ZNF322: variants seen among roughly 807,000 people sequenced by gnomAD.
ZNF322 encodes HLA complex group 12.
Under a neutral mutation model 18.3 loss-of-function variants are expected in ZNF322, and 1 was observed. That is an observed-to-expected ratio of 0.05 (90% CI 0.02 to 0.26). The LOEUF is 0.26. Ranked by LOEUF, ZNF322 falls within the 10% of genes least tolerant of loss-of-function variation. ZNF322 has a pLI of 1.00. For missense variants in ZNF322, 36 were observed against 403.6 expected (o/e 0.09, Z 7.80); for synonymous variants, 17 against 130.7 (o/e 0.13, Z 5.93).
intron 2 of ZNF322, among the ~76,000 whole-genome samples, chr6:26,646,738 T>C (rs9393739): frequency 3.9e-5 from 6 of 151,916 alleles, no homozygotes; most frequent in African/African-American, 1.5e-4. Flanking sequence ...ACATGAATCA[T>C]CCACAAAAAT....
At chr6:26,650,005 A>G (rs1324216349) in intron 2 of ZNF322, among the ~76,000 whole-genome samples, 1 of 151,900 alleles carries the variant, frequency 6.6e-6, no homozygotes, top group Non-Finnish European at 1.5e-5. Flanking sequence ...GCCAGCCAAA[A>G]ACATTTTATA....
chr6:26,657,430 T>G (rs75169507), intron 2 of ZNF322, among the ~76,000 whole-genome samples: 2,326 of 152,246 alleles, frequency 0.015, 48 homozygotes, highest in Middle Eastern at 0.065. Context: ...CTCTTCCCCA[T>G]GCAGCTTACT....
chr6:26,649,050 A>G (rs1004182727), intron 2 of ZNF322, among the ~76,000 whole-genome samples: 1 of 152,248 alleles, frequency 6.6e-6, no homozygotes, highest in Non-Finnish European at 1.5e-5. Context: ...CACAATAGAG[A>G]CCAGATAGCC....
At chr6:26,639,485 TA>T (rs1311634212) in intron 3 of ZNF322, among the ~76,000 whole-genome samples, 2 of 151,902 alleles carry the variant, frequency 1.3e-5, no homozygotes, top group Non-Finnish European at 1.5e-5. Flanking sequence ...TGAAAAGTTG[TA>T]AAAAAAAGTT....
chr6:26,657,242 C>A (rs1186532549), intron 2 of ZNF322, among the ~76,000 whole-genome samples: 4 of 150,036 alleles, frequency 2.7e-5, no homozygotes, highest in Non-Finnish European at 4.4e-5. Context: ...AGAGCGAAGA[C>A]TCCATCTCAA....
chr6:26,647,201 G>A (rs1260243547), intron 2 of ZNF322, among the ~76,000 whole-genome samples: 6 of 151,664 alleles, frequency 4.0e-5, no homozygotes, highest in African/African-American at 7.3e-5. Flanking sequence ...TTGGGAGGCC[G>A]AGGCAGTAGG....
intron 2 of ZNF322, among the ~76,000 whole-genome samples, chr6:26,657,620 T>C (rs1249156288): frequency 1.3e-5 from 2 of 152,154 alleles, no homozygotes; most frequent in Admixed American, 6.5e-5. Flanking sequence ...TTTACTAAAA[T>C]ATAACTTCTA....
intron 3 of ZNF322, among the ~76,000 whole-genome samples, chr6:26,640,225 A>C (rs1439157649): frequency 1.3e-5 from 2 of 152,208 alleles, no homozygotes; most frequent in African/African-American, 4.8e-5. Flanking sequence ...TCTGTCTTCC[A>C]AGGTTTCTGG....
chr6:26,649,983 G>A (rs574427769), intron 2 of ZNF322, among the ~76,000 whole-genome samples: 8 of 151,808 alleles, frequency 5.3e-5, no homozygotes, highest in Admixed American at 3.3e-4. Context: ...GATTACAGGC[G>A]TGCGCCACTG....
Position 26,638,742 on chromosome 6 carries a change from T to A in ZNF322, c.-175-14A>T. On this transcript the variant is annotated splice_polypyrimidine_tract_variant and intron_variant, in intron 3 of 3. Coordinates refer to ENST00000415922, the MANE Select transcript of ZNF322 (RefSeq NM_024639.5). ...GTATTTCCAACCCTGTGAGACAAAG[T>A]AGAAATATTATTTATATTCCTATGA... The A allele has an allele frequency of 1.1e-6, 1 of 942,822 alleles. No individual in the cohort carries two copies. The highest frequency in any genetic ancestry group is 1.5e-6 in the Non-Finnish European group (1 of 648,044). The allele number at this position is 942,822 out of a possible 1,614,324, so 58.4% of individuals were successfully genotyped here. A position where few individuals can be genotyped will look rare whatever the true frequency, so the allele number is the denominator to read the frequency against.
chr6:26,654,084 T>C (rs1334713461), intron 2 of ZNF322, among the ~76,000 whole-genome samples: 3 of 152,184 alleles, frequency 2.0e-5, no homozygotes, highest in Non-Finnish European at 4.4e-5. Flanking sequence ...ATGTGTATCC[T>C]AGGACCGAAT....
At position 26,658,542 on chromosome 6, in the gene ZNF322, C is replaced by T. The variant is rs1554149888; in HGVS notation, c.-246+16G>A. ...ATCCACATTTATACAGAAACAGAGC[C>T]TGGTATACCACTTACCGTAACAAGA... On this transcript the variant is annotated intron_variant, in intron 2 of 3. Transcript: ENST00000415922. The T allele has an allele frequency of 6.0e-6, 1 of 165,364 alleles. No homozygotes were observed. The highest frequency in any genetic ancestry group is 1.9e-4 in the East Asian group (1 of 5,198). 10.2% of individuals were successfully genotyped at this position (165,364 alleles called of 1,614,324 possible).
intron 2 of ZNF322, among the ~76,000 whole-genome samples, chr6:26,657,393 T>C (rs1320724934): frequency 2.0e-5 from 3 of 152,176 alleles, no homozygotes; most frequent in African/African-American, 7.2e-5. Context: ...CTCCGAGCTT[T>C]TGCACTTGTT....
At chr6:26,646,453 CATA>C (rs1233660590) in intron 2 of ZNF322, among the ~76,000 whole-genome samples, 10 of 152,104 alleles carry the variant, frequency 6.6e-5, no homozygotes, top group Non-Finnish European at 1.0e-4. Flanking sequence ...AAGAATTAAA[CATA>C]ATAATACTTT....
intron 2 of ZNF322, chr6:26,651,250 A>G (rs78325888): frequency 7.0e-6 from 1 of 143,628 alleles, no homozygotes. Flanking sequence ...TTCACATGCA[A>G]AAAAAAAAAA....
chr6:26,651,830 T>A (rs2113672448), intron 2 of ZNF322, among the ~76,000 whole-genome samples: 1 of 152,292 alleles, frequency 6.6e-6, no homozygotes, highest in Middle Eastern at 3.4e-3. Context: ...AACTCGGGTA[T>A]AGCAATGACT....
chr6:26,645,699 T>C (rs1342696754), intron 2 of ZNF322, among the ~76,000 whole-genome samples: 1 of 152,018 alleles, frequency 6.6e-6, no homozygotes, highest in African/African-American at 2.4e-5. Context: ...AGGTTAAATA[T>C]AAAAATTTAT....
chr6:26,643,855 A>C (rs1214901461), intron 2 of ZNF322, 127 bp from the exon 3 acceptor site: 1 of 152,276 alleles, frequency 6.6e-6, no homozygotes, highest in African/African-American at 2.4e-5. Context: ...TTCTTATCTA[A>C]TCCCTTAAAT....
chr6:26,648,331 C>A (rs1765592464), intron 2 of ZNF322, among the ~76,000 whole-genome samples: 1 of 152,256 alleles, frequency 6.6e-6, no homozygotes, highest in African/African-American at 2.4e-5. Context: ...TATGATAAAA[C>A]ATACATTCCT....
Sources: gnomAD v4.1 joint callset for allele counts (sites outside exome capture counted in the v4.1 genomes callset) on GRCh38, gnomAD v4.1.1 for gene constraint, MANE v1.5 for transcripts, NCBI Gene and HGNC (gene_info 2026-07-23, HGNC 2026-07-21) for gene names.